MCUB: variants seen among roughly 807,000 people sequenced by gnomAD.
MCUB encodes the protein calcium uniporter regulatory subunit MCUb, mitochondrial.
In MCUB, 46 loss-of-function variants were observed where a neutral mutation model predicts 41.4. The ratio of observed to expected loss-of-function variants is 1.11; its 90% CI spans 0.88 to 1.42. The LOEUF is 1.42. MCUB is among the 40% of genes most tolerant of loss of function. MCUB has a pLI of 0.00. For missense variants in MCUB, 403 were observed against 404.9 expected, an observed-to-expected ratio of 1.00 and a Z score of 0.04; for synonymous variants, 148 against 148.2, an observed-to-expected ratio of 1.00 and a Z score of 0.01.
At chr4:109,576,128 A>T (rs879469347) in intron 1 of MCUB, among the ~76,000 whole-genome samples, 2 of 152,254 alleles carry the variant, frequency 1.3e-5, no homozygotes, top group African/African-American at 2.4e-5. Context: ...GATAAGCAGA[A>T]TGATGCTGAC....
At position 109,582,936 on chromosome 4, in the gene MCUB, A is replaced by T. The variant is rs1448720993; in HGVS notation, c.99+22500A>T. 2.6e-5 allele frequency among the ~76,000 whole-genome samples: 4 copies of T among 152,136 alleles called. No homozygotes were observed. The East Asian group carries it at 7.7e-4, about 29-fold the overall frequency. On this transcript the variant is annotated intron_variant, in intron 1 of 7. Transcript: ENST00000394650. ...CATGGGTCTATGTATCTGTTTTGGT[A>T]CCAGTGCCATGCTGTTTTGGTTACT... is the stretch of plus-strand genomic sequence containing the variant.
At chr4:109,637,116 G>A (rs546719218) in intron 1 of MCUB, among the ~76,000 whole-genome samples, 1 of 152,296 alleles carries the variant, frequency 6.6e-6, no homozygotes, top group Non-Finnish European at 1.5e-5. Flanking sequence ...CAGTCAGAAG[G>A]CAGGAGAAGC....
chr4:109,687,776 G>A lies in MCUB; in HGVS notation c.*184G>A. The stretch of plus-strand genomic sequence containing the variant: ...TTTTGGATTTTTATGACTTGCTAAT[G>A]TTAGAAAGGGCTTGTATGCGTCTAT... On this transcript the variant is annotated 3_prime_UTR_variant, in exon 8 of 8. Transcript: ENST00000394650. The A allele has an allele frequency of 1.7e-6, 1 of 580,046 alleles. No individual in the cohort carries two copies. Among genetic ancestry groups the A allele is most frequent in the Non-Finnish European group, 3.0e-6 (1 of 330,244 alleles). The allele number at this position is 580,046 out of a possible 1,614,324, so 35.9% of individuals were successfully genotyped here. A position where few individuals can be genotyped will look rare whatever the true frequency, so the allele number is the denominator to read the frequency against.
At chr4:109,599,702 G>A (rs1579058784) in intron 1 of MCUB, among the ~76,000 whole-genome samples, 2 of 150,966 alleles carry the variant, frequency 1.3e-5, no homozygotes, top group African/African-American at 2.4e-5. Flanking sequence ...ACAGAATCTC[G>A]CTCTGTCGCC....
chr4:109,580,494 C>A (rs1207234500), intron 1 of MCUB, among the ~76,000 whole-genome samples: 1 of 152,236 alleles, frequency 6.6e-6, no homozygotes, highest in African/African-American at 2.4e-5. Context: ...ACACTCCCAA[C>A]AACAGTGTAA....
intron 1 of MCUB, among the ~76,000 whole-genome samples, chr4:109,565,530 TAGCTC>T (rs1363804747): frequency 5.3e-5 from 8 of 152,202 alleles, no homozygotes; most frequent in Admixed American, 2.6e-4. Flanking sequence ...GTTAAATACT[TAGCTC>T]AGAGAACAGC....
intron 1 of MCUB, among the ~76,000 whole-genome samples, chr4:109,612,949 A>G (rs944781946): frequency 3.9e-5 from 6 of 152,040 alleles, no homozygotes; most frequent in Admixed American, 1.3e-4. Context: ...TACTAAAAAT[A>G]TAAAAAATTA....
chr4:109,601,793 G>A (rs573883907), intron 1 of MCUB, among the ~76,000 whole-genome samples: 2 of 152,128 alleles, frequency 1.3e-5, no homozygotes, highest in South Asian at 4.2e-4. Flanking sequence ...TTTATTTTTA[G>A]TTTTCTGAGG....
intron 1 of MCUB, among the ~76,000 whole-genome samples, chr4:109,584,259 G>C (rs181313118): frequency 6.3e-4 from 96 of 152,290 alleles, no homozygotes; most frequent in African/African-American, 2.0e-3. Flanking sequence ...AGTATTCTCT[G>C]ATGGTAGTTT....
At chr4:109,687,403 A>T in intron 7 of MCUB, 112 bp from the exon 8 acceptor site, 1 of 698,964 alleles carries the variant, frequency 1.4e-6, no homozygotes, top group Non-Finnish European at 2.5e-6. Flanking sequence ...CTAATAGTTT[A>T]AACATTTTAT....
At chr4:109,605,978 G>C (rs185245409) in intron 1 of MCUB, among the ~76,000 whole-genome samples, 1 of 151,556 alleles carries the variant, frequency 6.6e-6, no homozygotes, top group Non-Finnish European at 1.5e-5. Context: ...TTGTTTGTTT[G>C]TTTGTTTGTT....
chr4:109,613,259 A>G (rs1438348183), intron 1 of MCUB, among the ~76,000 whole-genome samples: 2 of 152,248 alleles, frequency 1.3e-5, no homozygotes, highest in African/African-American at 4.8e-5. Context: ...ATTGCTATCT[A>G]ATGTGCCCAA....
intron 1 of MCUB, 30 bp from the exon 2 acceptor site, chr4:109,658,979 TAA>T: frequency 8.0e-7 from 1 of 1,250,178 alleles, no homozygotes; most frequent in Non-Finnish European, 1.1e-6. Flanking sequence ...ACTCTTTTTT[TAA>T]AAAAACAAAT....
chr4:109,594,382 T>G (rs1423320269), intron 1 of MCUB, among the ~76,000 whole-genome samples: 1 of 152,196 alleles, frequency 6.6e-6, no homozygotes, highest in African/African-American at 2.4e-5. Context: ...TTTCCAAAGC[T>G]TTTCAAGAGA....
chr4:109,621,157 C>T (rs1409319983), intron 1 of MCUB, among the ~76,000 whole-genome samples: 1 of 152,176 alleles, frequency 6.6e-6, no homozygotes, highest in Non-Finnish European at 1.5e-5. Flanking sequence ...CCTTGCCCTC[C>T]CAAAGTGCTG....
At position 109,677,866 on chromosome 4, in the gene MCUB, G is replaced by A. The variant is rs528437012; in HGVS notation, c.452-4716G>A. Among the ~76,000 whole-genome samples the A allele has an allele frequency of 1.8e-4, 27 of 146,478 alleles. No homozygotes were observed. In the East Asian group the frequency reaches 4.9e-3, roughly 27 times the overall value. ...ATCATTCTTGGGTGTTTCTCGGAGA[G>A]GGGGATGTGGCAGGGTCATAGGATA... is the stretch of plus-strand genomic sequence containing the variant. On this transcript the variant is annotated intron_variant, in intron 4 of 7. Transcript: ENST00000394650.
At chr4:109,601,127 A>C (rs1337535369) in intron 1 of MCUB, among the ~76,000 whole-genome samples, 3 of 151,996 alleles carry the variant, frequency 2.0e-5, no homozygotes, top group Admixed American at 2.0e-4. Context: ...GTATTCTCTC[A>C]ATTTTTGTGG....
intron 1 of MCUB, among the ~76,000 whole-genome samples, chr4:109,617,957 T>C (rs1225022919): frequency 1.3e-5 from 2 of 152,212 alleles, no homozygotes; most frequent in South Asian, 2.1e-4. Flanking sequence ...TTTTCACATG[T>C]AACTTCTTGT....
intron 1 of MCUB, among the ~76,000 whole-genome samples, chr4:109,626,804 AGAGT>A (rs1387834315): frequency 3.0e-5 from 4 of 134,852 alleles, no homozygotes; most frequent in Non-Finnish European, 4.7e-5. Flanking sequence ...CTGAGTGACA[AGAGT>A]GAGAGTCCGA....
Sources: gnomAD v4.1 joint callset for allele counts (sites outside exome capture counted in the v4.1 genomes callset) on GRCh38, gnomAD v4.1.1 for gene constraint, MANE v1.5 for transcripts, NCBI Gene and HGNC (gene_info 2026-07-23, HGNC 2026-07-21) for gene names.